Variants in ESR1 observed in about 807,000 individuals in gnomAD.
ESR1 encodes the protein estrogen receptor.
Under a neutral mutation model 52.7 loss-of-function variants are expected in ESR1, and 12 were observed. The ratio of observed to expected loss-of-function variants is 0.23; its 90% CI spans 0.15 to 0.37. The LOEUF (loss-of-function observed/expected upper bound fraction) is 0.37. Among genes scored for constraint, ESR1 ranks in the 10% least tolerant of loss-of-function variants. ESR1 has a pLI of 1.00. For synonymous variants in ESR1, 305 were observed against 316.8 expected (o/e 0.96, Z 0.39); for missense variants, 584 against 779.7 (o/e 0.75, Z 2.99).
chr6:152,005,156 T>G (rs576955720), intron 4 of ESR1, among the ~76,000 whole-genome samples: 1 of 151,970 alleles, frequency 6.6e-6, no homozygotes, highest in African/African-American at 2.4e-5. Context: ...CTATTTCTAA[T>G]TGGGGGTGTA....
chr6:151,938,112 CAAAA>C (rs1161317319), intron 3 of ESR1, among the ~76,000 whole-genome samples: 2 of 151,956 alleles, frequency 1.3e-5, no homozygotes, highest in African/African-American at 2.4e-5. Flanking sequence ...TATTGAGAAA[CAAAA>C]GAAAGTGATT....
chr6:151,790,201 A>G (rs1308710302), intron 2 of ESR1, among the ~76,000 whole-genome samples: 2 of 152,016 alleles, frequency 1.3e-5, no homozygotes, highest in African/African-American at 4.8e-5. Context: ...TGCAAACTGA[A>G]CCTGCACTGA....
intron 3 of ESR1, among the ~76,000 whole-genome samples, chr6:151,932,511 G>T (rs1421679435): frequency 3.8e-4 from 47 of 122,244 alleles, no homozygotes; most frequent in South Asian, 1.2e-3. Context: ...TGGTGTTTTG[G>T]ACATGAAGTC....
At chr6:151,769,023 C>A (rs928992026) in intron 2 of ESR1, among the ~76,000 whole-genome samples, 2 of 152,218 alleles carry the variant, frequency 1.3e-5, no homozygotes, top group Admixed American at 6.5e-5. Flanking sequence ...CAGCACGTTT[C>A]TGTGCTTTTA....
intron 2 of ESR1, among the ~76,000 whole-genome samples, chr6:151,878,459 A>G (rs1395453358): frequency 1.3e-5 from 2 of 152,198 alleles, no homozygotes; most frequent in East Asian, 3.9e-4. Flanking sequence ...GTATACAGTG[A>G]CTTTTATAAT....
At chr6:151,693,810 G>T (rs1480243404) in intron 1 of ESR1, among the ~76,000 whole-genome samples, 4 of 152,148 alleles carry the variant, frequency 2.6e-5, no homozygotes, top group African/African-American at 9.7e-5. Context: ...TAGAGACGGG[G>T]TTTTACCATG....
At chr6:151,798,300 G>A (rs1776903176) in intron 2 of ESR1, among the ~76,000 whole-genome samples, 1 of 152,154 alleles carries the variant, frequency 6.6e-6, no homozygotes, top group Non-Finnish European at 1.5e-5. Context: ...TCAGTGAAGA[G>A]ATGAACTCGA....
intron 2 of ESR1, among the ~76,000 whole-genome samples, chr6:151,711,619 C>T (rs1314998913): frequency 6.6e-6 from 1 of 152,132 alleles, no homozygotes; most frequent in East Asian, 1.9e-4. Context: ...TGATGATGAG[C>T]TTTTTTTCAT....
Position 151,669,446 on chromosome 6 carries a change from G to A in ESR1, n.73+12683G>A, listed in dbSNP as rs78183096. Reference sequence around the variant, plus strand: ...AAACCTGCTCATGAAACCTGCTCAAGAAACCTGAGGAGGCAAAAGCCTGAT... The same window carrying A: ...AAACCTGCTCATGAAACCTGCTCAAAAAACCTGAGGAGGCAAAAGCCTGAT... On this transcript the variant is annotated intron_variant and non_coding_transcript_variant, in intron 1 of 2. Coordinates refer to the ESR1 transcript ENST00000473497. 9.3e-3 allele frequency among the ~76,000 whole-genome samples: 1,414 copies of A among 152,256 alleles called. 16 individuals carry two copies. The highest frequency in any genetic ancestry group is 0.014 in the Non-Finnish European group (961 of 68,020).
At chr6:152,058,054 C>T (rs1464280384) in intron 5 of ESR1, among the ~76,000 whole-genome samples, 1 of 152,174 alleles carries the variant, frequency 6.6e-6, no homozygotes. Flanking sequence ...GAGACTTCCT[C>T]CCCTGCCGGT....
intron 3 of ESR1, among the ~76,000 whole-genome samples, chr6:151,898,815 G>A (rs1404120833): frequency 6.6e-6 from 1 of 152,086 alleles, no homozygotes; most frequent in African/African-American, 2.4e-5. Flanking sequence ...ACACAGACAC[G>A]GCAACCATCC....
chr6:151,953,317 C>G (rs185371910), intron 4 of ESR1, among the ~76,000 whole-genome samples: 3 of 152,184 alleles, frequency 2.0e-5, no homozygotes, highest in Non-Finnish European at 4.4e-5. Context: ...GAGGTTACAT[C>G]GTAGTGATGA....
chr6:151,707,374 T>C (rs953480149), intron 2 of ESR1, among the ~76,000 whole-genome samples: 3 of 152,082 alleles, frequency 2.0e-5, no homozygotes, highest in Non-Finnish European at 2.9e-5. Context: ...TGTGTATATA[T>C]GTAAATTAAA....
chr6:151,940,976 GTA>G (rs2034987970), intron 3 of ESR1, among the ~76,000 whole-genome samples: 1 of 152,192 alleles, frequency 6.6e-6, no homozygotes, highest in Admixed American at 6.5e-5. Flanking sequence ...ATTAGCGTTA[GTA>G]TGACTGCTGA....
chr6:152,003,815 A>G (rs1400459821), intron 4 of ESR1, among the ~76,000 whole-genome samples: 1 of 151,934 alleles, frequency 6.6e-6, no homozygotes. Context: ...AAAAGAATAT[A>G]CCCAGTATTT....
At chr6:151,815,690 C>T (rs774308315) in intron 1 of ESR1, among the ~76,000 whole-genome samples, 2 of 152,214 alleles carry the variant, frequency 1.3e-5, no homozygotes, top group South Asian at 2.1e-4. Flanking sequence ...TTTGCAAATT[C>T]GCTGACTTAC....
intron 4 of ESR1, among the ~76,000 whole-genome samples, chr6:152,006,152 T>G (rs1316346405): frequency 6.6e-5 from 10 of 152,052 alleles, no homozygotes; most frequent in Admixed American, 5.2e-4. Flanking sequence ...TCAAAACAAG[T>G]GATTATTTAT....
intron 2 of ESR1, among the ~76,000 whole-genome samples, chr6:151,713,701 T>G (rs1213652291): frequency 6.9e-6 from 1 of 145,600 alleles, no homozygotes; most frequent in Non-Finnish European, 1.5e-5. Flanking sequence ...TTATCATATT[T>G]TAGTGTGTCT....
chr6:151,781,885 C>G (rs960491554), intron 2 of ESR1, among the ~76,000 whole-genome samples: 1 of 151,792 alleles, frequency 6.6e-6, no homozygotes, highest in South Asian at 2.1e-4. Context: ...TTTAGAGTGT[C>G]TGGTATAAAT....
Sources: gnomAD v4.1 joint callset for allele counts (sites outside exome capture counted in the v4.1 genomes callset) on GRCh38, gnomAD v4.1.1 for gene constraint, MANE v1.5 for transcripts, NCBI Gene and HGNC (gene_info 2026-07-23, HGNC 2026-07-21) for gene names.